PCDHA1: variants seen among roughly 807,000 people sequenced by gnomAD.
PCDHA1 encodes protocadherin alpha 1.
Under a neutral mutation model 61.3 loss-of-function variants are expected in PCDHA1, and 42 were observed. The observed-to-expected ratio is 0.69, with a 90% CI of 0.54 to 0.89. PCDHA1 has a LOEUF of 0.89. Ranked by LOEUF, PCDHA1 falls within the 40% of genes least tolerant of loss-of-function variation. The probability of loss-of-function intolerance (pLI) is 0.00; values close to 1 mark genes in which losing one functional copy is unlikely to be tolerated. For synonymous variants in PCDHA1, 610 were observed against 553.8 expected, an observed-to-expected ratio of 1.10 and a Z score of -1.43; for missense variants, 1,256 against 1,235.3, an observed-to-expected ratio of 1.02 and a Z score of -0.25.
chr5:140,798,703 GC>G (rs1320856516), intron 1 of PCDHA1, among the ~76,000 whole-genome samples: 2 of 152,144 alleles, frequency 1.3e-5, no homozygotes, highest in African/African-American at 4.8e-5. Context: ...AAAAGATGAG[GC>G]CTGGTCTTGG....
chr5:140,929,645 C>G (rs1271694172), intron 1 of PCDHA1: 1 of 366,374 alleles, frequency 2.7e-6, no homozygotes, highest in Non-Finnish European at 5.0e-6. Context: ...ATGTGTAAGG[C>G]ACTCTAATAT....
intron 3 of PCDHA1, among the ~76,000 whole-genome samples, chr5:140,983,005 A>G (rs1468544114): frequency 2.0e-5 from 3 of 152,110 alleles, no homozygotes; most frequent in African/African-American, 4.8e-5. Flanking sequence ...AAAGAAAGAA[A>G]AAGGAAGGAA....
chr5:140,842,778 A>G lies in PCDHA1; in HGVS notation c.2394+54094A>G, dbSNP rs2150344056. 1.9e-5 allele frequency: 31 copies of G among 1,594,532 alleles called. No homozygotes were observed. The East Asian group carries it at 6.7e-4, about 34-fold the overall frequency. ...TCTGCGCGAGACGCGGACGCGCAGG[A>G]GAACGCGCTGGTGTCCTACTCGCTT... is the stretch of plus-strand genomic sequence containing the variant. On this transcript the variant is annotated intron_variant, in intron 1 of 3. Coordinates refer to ENST00000504120, the MANE Select transcript of PCDHA1 (RefSeq NM_018900.4).
At chr5:140,803,021 G>C in intron 1 of PCDHA1, 1 of 1,614,014 alleles carries the variant, frequency 6.2e-7, no homozygotes, top group Non-Finnish European at 8.5e-7. Flanking sequence ...CGTGGCTTTC[G>C]TATGAGCTGC....
intron 1 of PCDHA1, among the ~76,000 whole-genome samples, chr5:140,937,039 CTTT>C (rs34994034): frequency 1.4e-5 from 2 of 140,152 alleles, no homozygotes; most frequent in African/African-American, 5.3e-5. Flanking sequence ...TTCCATTTAT[CTTT>C]TTTTTTTTTT....
intron 3 of PCDHA1, 112 bp downstream of exon 3, chr5:140,982,675 T>A (rs782533593): frequency 1.3e-4 from 192 of 1,441,664 alleles, no homozygotes; most frequent in Middle Eastern, 9.1e-4. Flanking sequence ...ATTTTTGTTA[T>A]TCCCTTTTTT....
chr5:140,840,439 A>G (rs1776702337), intron 1 of PCDHA1, among the ~76,000 whole-genome samples: 1 of 151,972 alleles, frequency 6.6e-6, no homozygotes, highest in Non-Finnish European at 1.5e-5. Context: ...AAGCCGTGGA[A>G]ATAGAAACGT....
Position 140,786,476 on chromosome 5 carries a change from C to G in PCDHA1, c.186C>G (p.Arg62=). ...TGGAGCTGGCGGAGCTGGTGCCTCG[C>G]CTGTTCCGGGTGGCGTCCAAAACAC... is the stretch of plus-strand genomic sequence containing the variant. ...LGLELAELVP[R]LFRVASKTHR... is the part of the protein sequence containing the mutation. The change falls in exon 1 of 4, where the codon CGC becomes CGG. Residue 62 remains arginine (R), a synonymous_variant. Transcript: ENST00000504120. 6.2e-7 allele frequency: 1 copy of G among 1,613,724 alleles called. No homozygotes were observed. Among genetic ancestry groups the G allele is most frequent in the South Asian group, 1.1e-5 (1 of 91,056 alleles).
At chr5:140,814,652 A>C (rs1002175357) in intron 1 of PCDHA1, 2 of 152,004 alleles carry the variant, frequency 1.3e-5, no homozygotes, top group African/African-American at 2.4e-5. Context: ...TTACACCAAC[A>C]TCACCACAAA....
intron 3 of PCDHA1, among the ~76,000 whole-genome samples, chr5:140,994,709 A>C (rs1436733940): frequency 6.6e-6 from 1 of 152,166 alleles, no homozygotes; most frequent in Non-Finnish European, 1.5e-5. Flanking sequence ...TGTCTCAAAA[A>C]AAAATTTAAA....
chr5:140,820,549 G>C (rs1219526064), intron 1 of PCDHA1, among the ~76,000 whole-genome samples: 2 of 152,016 alleles, frequency 1.3e-5, no homozygotes, highest in East Asian at 3.9e-4. Flanking sequence ...TAGAAAACTT[G>C]GTGATATTTT....
At chr5:140,914,564 A>AT (rs532022159) in intron 1 of PCDHA1, among the ~76,000 whole-genome samples, 1 of 152,026 alleles carries the variant, frequency 6.6e-6, no homozygotes, top group Non-Finnish European at 1.5e-5. Context: ...AGTTTAGTCC[A>AT]TTTACATTCA....
chr5:140,853,528 C>G, intron 1 of PCDHA1: 1 of 978,674 alleles, frequency 1.0e-6, no homozygotes, highest in South Asian at 4.8e-5. Context: ...CCTCCTATGT[C>G]TCTTTTCAAG....
chr5:140,849,126 T>C, intron 1 of PCDHA1: 1 of 1,386,260 alleles, frequency 7.2e-7, no homozygotes, highest in East Asian at 2.4e-5. Flanking sequence ...GCTTCATTTA[T>C]TGCTCACGGC....
intron 1 of PCDHA1, among the ~76,000 whole-genome samples, chr5:140,790,667 T>C (rs1761594748): frequency 6.6e-6 from 1 of 152,206 alleles, no homozygotes; most frequent in Non-Finnish European, 1.5e-5. Context: ...AATCACAAAA[T>C]AATTTCTCTT....
chr5:140,871,146 T>G (rs372974792), intron 1 of PCDHA1: 2 of 1,613,386 alleles, frequency 1.2e-6, no homozygotes, highest in African/African-American at 2.7e-5. Flanking sequence ...CTTCCCGGAC[T>G]TTGGCGGGCG....
intron 1 of PCDHA1, chr5:140,865,436 C>T (rs544302848): frequency 5.3e-5 from 8 of 152,322 alleles, no homozygotes; most frequent in Admixed American, 5.2e-4. Context: ...AGAAAAATAA[C>T]TTCTGAGAAG....
intron 1 of PCDHA1, among the ~76,000 whole-genome samples, chr5:140,894,455 T>C (rs1316862860): frequency 6.6e-6 from 1 of 152,000 alleles, no homozygotes; most frequent in Non-Finnish European, 1.5e-5. Flanking sequence ...TTAAAAAATA[T>C]TTTACTTTTT....
intron 1 of PCDHA1, chr5:140,808,954 C>T: frequency 6.2e-7 from 1 of 1,613,580 alleles, no homozygotes; most frequent in Non-Finnish European, 8.5e-7. Context: ...GTGTGGGCCA[C>T]GTGGTGGCAA....
Sources: gnomAD v4.1 joint callset for allele counts (sites outside exome capture counted in the v4.1 genomes callset) on GRCh38, gnomAD v4.1.1 for gene constraint, MANE v1.5 for transcripts, NCBI Gene and HGNC (gene_info 2026-07-23, HGNC 2026-07-21) for gene names.